The following IARS2 variants were observed in gnomAD, a reference collection of about 807,000 sequenced individuals.
The protein encoded by IARS2 is isoleucine--tRNA ligase, mitochondrial.
Under a neutral mutation model 126.3 loss-of-function variants are expected in IARS2, and 56 were observed. That is an observed-to-expected ratio of 0.44 (90% CI 0.36 to 0.55). IARS2 has a LOEUF of 0.55. Among genes scored for constraint, IARS2 ranks in the 20% least tolerant of loss-of-function variants. The pLI is 0.00. For missense variants in IARS2, 1,127 were observed against 1,245.9 expected, an observed-to-expected ratio of 0.90 and a Z score of 1.44; for synonymous variants, 407 against 441.1, an observed-to-expected ratio of 0.92 and a Z score of 0.97.
chr1:220,126,613 TA>T, intron 13 of IARS2, 136 bp from the exon 14 acceptor site: 2 of 675,124 alleles, frequency 3.0e-6, no homozygotes, highest in Non-Finnish European at 5.1e-6. Context: ...GTGAAATGCT[TA>T]AAAATACTGT....
intron 11 of IARS2, among the ~76,000 whole-genome samples, chr1:220,113,857 T>C (rs533483264): frequency 2.0e-4 from 31 of 152,306 alleles, no homozygotes; most frequent in Non-Finnish European, 3.5e-4. Context: ...TATGTAAAAT[T>C]AGGTATATCG....
chr1:220,114,736 A>G (rs1328674903), intron 12 of IARS2, among the ~76,000 whole-genome samples: 2 of 151,974 alleles, frequency 1.3e-5, no homozygotes, highest in African/African-American at 2.4e-5. Flanking sequence ...GTATTAAGGT[A>G]TCATGGATCC....
At position 220,116,968 on chromosome 1, in the gene IARS2, ACTC is replaced by A. The variant is rs1200778584; in HGVS notation, c.1640+2497_1640+2499del. On this transcript the variant is annotated intron_variant, in intron 12 of 22. Coordinates refer to ENST00000366922, the MANE Select transcript of IARS2 (RefSeq NM_018060.4). The stretch of plus-strand genomic sequence containing the variant: ...GCCACGTTGACGAGGCTGGTCTCGA[ACTC>A]CTGGCCACAAAGGATCCATCCACCT... Among the ~76,000 whole-genome samples, 7 of 151,930 alleles carry A rather than the reference ACTC, an allele frequency of 4.6e-5. No homozygotes were observed. The East Asian group carries it at 1.4e-3, about 29-fold the overall frequency.
intron 15 of IARS2, among the ~76,000 whole-genome samples, chr1:220,135,298 C>T (rs1245764574): frequency 1.3e-5 from 2 of 152,082 alleles, no homozygotes; most frequent in African/African-American, 4.8e-5. Flanking sequence ...CAGAAAGATT[C>T]CTAAATAGCT....
At position 220,145,616 on chromosome 1, in the gene IARS2, A is replaced by G. The variant is rs1657570626; in HGVS notation, c.2859A>G (p.Val953=). 6.2e-7 allele frequency: 1 copy of G among 1,613,186 alleles called. No homozygotes were observed. Among genetic ancestry groups the G allele is most frequent in the Non-Finnish European group, 8.5e-7 (1 of 1,179,486 alleles). ...AACCACGAGAGATGACTGCAGATGT[A>G]ATCGAGCTTAAAGGGAAATTCCTCA... ...AQEPREMTAD[V]IELKGKFLIN... Residue 953 remains valine (V), a synonymous_variant, in exon 22 of 23, where the codon GTA becomes GTG. Transcript: ENST00000366922.
chr1:220,141,416 A>C (rs1657491207), intron 19 of IARS2, among the ~76,000 whole-genome samples: 2 of 152,228 alleles, frequency 1.3e-5, no homozygotes, highest in Admixed American at 1.3e-4. Context: ...CGTTATCCTC[A>C]GCCTGTCAGC....
chr1:220,105,235 C>T (rs1656654351), intron 8 of IARS2, among the ~76,000 whole-genome samples: 1 of 152,200 alleles, frequency 6.6e-6, no homozygotes, highest in Non-Finnish European at 1.5e-5. Context: ...CTACTGCACC[C>T]AGCCCCCTGC....
intron 3 of IARS2, 121 bp from the exon 4 acceptor site, chr1:220,102,008 C>CA (rs1055831663): frequency 5.3e-5 from 49 of 917,156 alleles, no homozygotes; most frequent in Non-Finnish European, 7.0e-5. Context: ...GACTGTGTCT[C>CA]AAAAAAAATT....
At position 220,116,234 on chromosome 1, in the gene IARS2, A is replaced by C. The variant is rs550407613; in HGVS notation, c.1640+1760A>C. Among the ~76,000 whole-genome samples, 59 of 152,238 alleles carry C rather than the reference A, an allele frequency of 3.9e-4. 2 individuals are homozygous for C. Among genetic ancestry groups the C allele is most frequent in the Non-Finnish European group, 4.9e-4 (33 of 67,990 alleles). On this transcript the variant is annotated intron_variant, in intron 12 of 22. Transcript: ENST00000366922. ...TTCAGAACGAAACAAAACAGAACAC[A>C]TTGTCAAGCACTTAGTACGTGTCAG... is the stretch of plus-strand genomic sequence containing the variant.
At chr1:220,138,252 C>T (rs1347623271) in intron 17 of IARS2, among the ~76,000 whole-genome samples, 3 of 152,146 alleles carry the variant, frequency 2.0e-5, no homozygotes, top group African/African-American at 7.2e-5. Flanking sequence ...GCAGGTGGAT[C>T]ACGAGGTCAG....
At chr1:220,095,509 G>A (rs1656420181) in intron 1 of IARS2, among the ~76,000 whole-genome samples, 1 of 152,156 alleles carries the variant, frequency 6.6e-6, no homozygotes, top group South Asian at 2.1e-4. Context: ...AATACCTTCT[G>A]TATGCCAGAA....
chr1:220,144,219 A>G (rs968171173), intron 21 of IARS2: 5 of 771,426 alleles, frequency 6.5e-6, no homozygotes, highest in Non-Finnish European at 1.2e-5. Flanking sequence ...CAATGTAACC[A>G]TGCTTCATCA....
intron 8 of IARS2, 74 bp downstream of exon 8, chr1:220,103,636 C>A: frequency 3.3e-6 from 3 of 899,928 alleles, no homozygotes; most frequent in Non-Finnish European, 5.5e-6. Flanking sequence ...CTTTGCTGAA[C>A]TGCATATTTT....
intron 12 of IARS2, chr1:220,118,177 C>T (rs928993506): frequency 2.0e-6 from 1 of 503,812 alleles, no homozygotes; most frequent in Admixed American, 2.1e-5. Flanking sequence ...TCAAAAGTAA[C>T]AGCATCTCCA....
rs182870227 is a variant in IARS2 at position 220,120,302 on chromosome 1, G to A, written c.1641-4935G>A. On this transcript the variant is annotated intron_variant, in intron 12 of 22. Coordinates refer to ENST00000366922, the MANE Select transcript of IARS2 (RefSeq NM_018060.4). ...TCTTCATGTAGGTCAGGCTGGTCTC[G>A]AACTCCCCACCTCAGGTGATCCGCC... Among the ~76,000 whole-genome samples, 446 of 151,646 alleles carry A rather than the reference G, an allele frequency of 2.9e-3. 4 individuals carry two copies. The highest frequency in any genetic ancestry group is 9.9e-3 in the African/African-American group (411 of 41,398).
intron 20 of IARS2, among the ~76,000 whole-genome samples, chr1:220,142,462 A>G (rs910961996): frequency 2.0e-5 from 3 of 152,188 alleles, no homozygotes; most frequent in African/African-American, 4.8e-5. Context: ...AGATCATGCC[A>G]CTGTACTTCA....
At chr1:220,147,278 T>G (rs1177465018) in intron 22 of IARS2, among the ~76,000 whole-genome samples, 2 of 152,056 alleles carry the variant, frequency 1.3e-5, no homozygotes, top group Admixed American at 6.5e-5. Context: ...AATCTCAGAG[T>G]CACGGGGTCT....
chr1:220,112,020 G>A (rs1471944142), intron 11 of IARS2, among the ~76,000 whole-genome samples: 1 of 151,488 alleles, frequency 6.6e-6, no homozygotes, highest in African/African-American at 2.4e-5. Context: ...CTTTGTAGAA[G>A]TAGTGAGAAT....
intron 14 of IARS2, among the ~76,000 whole-genome samples, chr1:220,133,249 G>A (rs892468612): frequency 1.3e-5 from 2 of 151,896 alleles, no homozygotes; most frequent in African/African-American, 2.4e-5. Flanking sequence ...CTCAGGATTT[G>A]CCAGCCTCCA....
Sources: gnomAD v4.1 joint callset for allele counts (sites outside exome capture counted in the v4.1 genomes callset) on GRCh38, gnomAD v4.1.1 for gene constraint, MANE v1.5 for transcripts, NCBI Gene and HGNC (gene_info 2026-07-23, HGNC 2026-07-21) for gene names.